Variants in SNX29 observed in about 807,000 individuals in gnomAD.
The protein encoded by SNX29 is sorting nexin-29.
In SNX29, 78 loss-of-function variants were observed where a neutral mutation model predicts 102.1. That is an observed-to-expected ratio of 0.76 (90% confidence interval 0.64 to 0.92). SNX29 has a LOEUF of 0.92. Ranked by LOEUF, SNX29 falls within the 40% of genes least tolerant of loss-of-function variation. SNX29 has a pLI of 0.00. For synonymous variants in SNX29, 580 were observed against 414.5 expected (o/e 1.40, Z -4.85); for missense variants, 1,280 against 1,061.7 (o/e 1.21, Z -2.86).
At chr16:12,401,359 ATTTTT>A (rs35886680) in intron 17 of SNX29, among the ~76,000 whole-genome samples, 7 of 101,502 alleles carry the variant, frequency 6.9e-5, no homozygotes, top group Non-Finnish European at 1.2e-4. Flanking sequence ...ATAGAGTTAA[ATTTTT>A]TTTTTTTTTT....
Position 12,457,668 on chromosome 16 carries a change from A to G in SNX29, c.2038-20051A>G, listed in dbSNP as rs58834806. ...TACCCATCATAAAAAGACTTGGACCAGGCAAAATGGCACACGTTAGCCTCT... is the reference window on the plus strand; with the variant it reads ...TACCCATCATAAAAAGACTTGGACCGGGCAAAATGGCACACGTTAGCCTCT... On this transcript the variant is annotated intron_variant, in intron 18 of 20. Transcript: ENST00000566228. Among the ~76,000 whole-genome samples, 1,361 of 152,330 alleles carry G rather than the reference A, an allele frequency of 8.9e-3. 26 individuals carry two copies. Among genetic ancestry groups the G allele is most frequent in the African/African-American group, 0.031 (1,292 of 41,566 alleles).
At chr16:12,452,486 C>T (rs2086349986) in intron 18 of SNX29, among the ~76,000 whole-genome samples, 1 of 150,620 alleles carries the variant, frequency 6.6e-6, no homozygotes, top group Non-Finnish European at 1.5e-5. Flanking sequence ...GTACACCGCT[C>T]CGTAGAGACC....
At chr16:12,563,050 T>C (rs1158262985) in intron 20 of SNX29, among the ~76,000 whole-genome samples, 1 of 152,048 alleles carries the variant, frequency 6.6e-6, no homozygotes, top group Non-Finnish European at 1.5e-5. Context: ...CAAGGTCACC[T>C]CGAAATGTAG....
At position 12,002,883 on chromosome 16, in the gene SNX29, C is replaced by G. The variant is rs559322102; in HGVS notation, c.70-108C>G. 7 of 1,238,836 alleles carry G rather than the reference C, an allele frequency of 5.7e-6. No individual in the cohort carries two copies. In the East Asian group the frequency reaches 1.4e-4, roughly 25 times the overall value. The allele number at this position is 1,238,836 out of a possible 1,614,324, so 76.7% of individuals were successfully genotyped here. On this transcript the variant is annotated intron_variant, in intron 2 of 20. Transcript: ENST00000566228. ...CGTCCTCACTTGGCATGCAGAGCTT[C>G]TGGTCCCGTGTCCCCTCCCTGACCC... is the stretch of plus-strand genomic sequence containing the variant.
chr16:12,494,325 G>A (rs1029084606), intron 19 of SNX29, among the ~76,000 whole-genome samples: 1 of 152,162 alleles, frequency 6.6e-6, no homozygotes. Context: ...AAGCATTGGT[G>A]CACACGCTTG....
At chr16:12,024,197 G>C (rs1388866522) in intron 3 of SNX29, among the ~76,000 whole-genome samples, 2 of 150,930 alleles carry the variant, frequency 1.3e-5, no homozygotes, top group Non-Finnish European at 2.9e-5. Flanking sequence ...GGAATATAAT[G>C]GCACGATCTC....
chr16:12,495,887 T>C (rs1265796116), intron 19 of SNX29, among the ~76,000 whole-genome samples: 1 of 152,178 alleles, frequency 6.6e-6, no homozygotes, highest in Non-Finnish European at 1.5e-5. Flanking sequence ...ACCCCATGTC[T>C]ACTAAAAATA....
At chr16:12,486,492 G>A (rs2151848529) in intron 19 of SNX29, among the ~76,000 whole-genome samples, 1 of 152,350 alleles carries the variant, frequency 6.6e-6, no homozygotes, top group African/African-American at 2.4e-5. Flanking sequence ...TACAAATGGG[G>A]CAGCAGAGGT....
At chr16:12,263,653 CTT>C (rs993201075) in intron 14 of SNX29, among the ~76,000 whole-genome samples, 3 of 152,220 alleles carry the variant, frequency 2.0e-5, no homozygotes, top group African/African-American at 7.2e-5. Flanking sequence ...AGAAAATAAA[CTT>C]TTTAAAGAAA....
chr16:12,479,419 A>G (rs549408986), intron 19 of SNX29, among the ~76,000 whole-genome samples: 1 of 152,322 alleles, frequency 6.6e-6, no homozygotes, highest in Non-Finnish European at 1.5e-5. Context: ...ACATGTGTGT[A>G]GATTTCTATG....
At chr16:12,560,840 A>G (rs932408390) in intron 20 of SNX29, 3 of 181,750 alleles carry the variant, frequency 1.7e-5, no homozygotes, top group African/African-American at 2.4e-5. Context: ...TGGCCGGCTT[A>G]AGGATGTTAT....
At chr16:12,113,921 T>C (rs1345713229) in intron 11 of SNX29, among the ~76,000 whole-genome samples, 2 of 152,260 alleles carry the variant, frequency 1.3e-5, no homozygotes, top group Non-Finnish European at 2.9e-5. Flanking sequence ...AGAAGGATTC[T>C]AGAAGATGAG....
intron 18 of SNX29, among the ~76,000 whole-genome samples, chr16:12,444,891 A>G (rs2085980134): frequency 7.1e-6 from 1 of 141,460 alleles, no homozygotes; most frequent in Admixed American, 7.5e-5. Context: ...AGTCTCAGTC[A>G]TCCAGGCTGG....
At chr16:12,529,201 TTTGAACTCTGTATA>T (rs1388681826) in intron 20 of SNX29, among the ~76,000 whole-genome samples, 1 of 152,182 alleles carries the variant, frequency 6.6e-6, no homozygotes, top group Non-Finnish European at 1.5e-5. Flanking sequence ...TCTTTTCTAT[TTTGAACTCTGTATA>T]TCAGTGTGGC....
chr16:12,518,751 G>T (rs1362863056), intron 19 of SNX29, among the ~76,000 whole-genome samples: 4 of 152,174 alleles, frequency 2.6e-5, no homozygotes, highest in African/African-American at 9.7e-5. Flanking sequence ...CAGCTACCAG[G>T]TGCTGAGCCT....
At chr16:12,089,819 C>T (rs778810952) in intron 11 of SNX29, 4 of 392,166 alleles carry the variant, frequency 1.0e-5, no homozygotes, top group Non-Finnish European at 2.0e-5. Context: ...GCAGAGCACA[C>T]TCAGCAGTGC....
At position 12,350,427 on chromosome 16, in the gene SNX29, C is replaced by T. The variant is rs188195377; in HGVS notation, c.1783-5736C>T. 7.2e-5 allele frequency among the ~76,000 whole-genome samples: 11 copies of T among 152,180 alleles called. No individual in the cohort carries two copies. The East Asian group carries it at 2.1e-3, about 29-fold the overall frequency. Reference sequence around the variant, plus strand: ...GTAGGTTCTATTGCAGATACTAAAACATCATTTAATAGAAGGTACTGGAGT... The same window carrying T: ...GTAGGTTCTATTGCAGATACTAAAATATCATTTAATAGAAGGTACTGGAGT... On this transcript the variant is annotated intron_variant, in intron 15 of 20. Transcript: ENST00000566228.
chr16:12,028,611 A>C (rs1275181553), intron 4 of SNX29, among the ~76,000 whole-genome samples: 4 of 150,096 alleles, frequency 2.7e-5, no homozygotes, highest in Non-Finnish European at 5.9e-5. Flanking sequence ...TGATCTTCCC[A>C]CCTCAGCCTG....
rs2079210616 is a variant in SNX29 at position 12,572,576 on chromosome 16, TG to T, written c.*3948del. 13 of 1,064,062 alleles carry T rather than the reference TG, an allele frequency of 1.2e-5. No individual in the cohort carries two copies. Among genetic ancestry groups the T allele is most frequent in the Non-Finnish European group, 1.5e-5 (13 of 878,448 alleles). The allele number at this position is 1,064,062 out of a possible 1,614,324, so 65.9% of individuals were successfully genotyped here. A position where few individuals can be genotyped will look rare whatever the true frequency, so the allele number is the denominator to read the frequency against. ...GGCTCCTCACAGGGAGGTCCAGCCA[TG>T]TTCTCTGGGCTCCCAGTGAGCCCCC... On this transcript the variant is annotated 3_prime_UTR_variant, in exon 21 of 21. Transcript: ENST00000566228.
Sources: allele counts gnomAD v4.1 joint callset (sites outside exome capture counted in the v4.1 genomes callset), GRCh38; gene constraint gnomAD v4.1.1; transcripts MANE v1.5; gene names NCBI Gene and HGNC (gene_info 2026-07-23, HGNC 2026-07-21).